The following PRKD1 variants were observed in gnomAD, a reference collection of about 807,000 sequenced individuals.
PRKD1 encodes the protein protein kinase D1, also known as serine/threonine-protein kinase D1.
A neutral mutation model predicts 95.9 loss-of-function variants in PRKD1; 63 were observed. The ratio of observed to expected loss-of-function variants is 0.66; its 90% confidence interval spans 0.54 to 0.81. PRKD1 has a LOEUF of 0.81. Ranked by LOEUF, PRKD1 falls within the 30% of genes least tolerant of loss-of-function variation. The pLI, the probability that PRKD1 is intolerant of heterozygous loss-of-function variation, is 0.00. For missense variants in PRKD1, 1,048 were observed against 1,165.3 expected (o/e 0.90, Z 1.47); for synonymous variants, 425 against 423.1 (o/e 1.00, Z -0.05).
chr14:29,583,038 G>T (rs1239321281), intron 16 of PRKD1, among the ~76,000 whole-genome samples: 1 of 152,126 alleles, frequency 6.6e-6, no homozygotes, highest in East Asian at 1.9e-4. Flanking sequence ...TGCCCCAGTG[G>T]GGAAGTGTAG....
At chr14:29,585,994 T>A (rs139850113) in intron 16 of PRKD1, among the ~76,000 whole-genome samples, 2,532 of 152,274 alleles carry the variant, frequency 0.017, 35 homozygotes, top group Middle Eastern at 0.031. Flanking sequence ...AGTTAAGAGA[T>A]CTTAAACTGA....
intron 1 of PRKD1, among the ~76,000 whole-genome samples, chr14:29,742,962 G>C (rs1014427483): frequency 6.6e-6 from 1 of 152,136 alleles, no homozygotes; most frequent in Admixed American, 6.6e-5. Context: ...TAAAATTCTT[G>C]AGTTTCATGG....
chr14:29,599,842 G>T, intron 13 of PRKD1, 25 bp from the exon 14 acceptor site: 1 of 1,589,324 alleles, frequency 6.3e-7, no homozygotes. Flanking sequence ...TAAAGCACTT[G>T]AAGAAAATGA....
At chr14:29,579,227 G>A (rs192278165) in intron 16 of PRKD1, among the ~76,000 whole-genome samples, 2 of 151,868 alleles carry the variant, frequency 1.3e-5, no homozygotes, top group African/African-American at 4.8e-5. Flanking sequence ...TTCAGTATAC[G>A]TCATTAATAG....
intron 1 of PRKD1, among the ~76,000 whole-genome samples, chr14:29,822,135 C>A (rs1002711244): frequency 2.6e-5 from 4 of 152,068 alleles, no homozygotes; most frequent in African/African-American, 9.7e-5. Context: ...TTTGGCCTCC[C>A]AGGTCACTAT....
intron 2 of PRKD1, among the ~76,000 whole-genome samples, chr14:29,722,581 A>G (rs974867749): frequency 5.3e-5 from 8 of 152,234 alleles, no homozygotes; most frequent in Non-Finnish European, 1.0e-4. Flanking sequence ...CCAGTAGTTA[A>G]TAAGTGAACT....
chr14:29,889,553 G>A (rs1167965138), intron 1 of PRKD1, among the ~76,000 whole-genome samples: 1 of 152,166 alleles, frequency 6.6e-6, no homozygotes, highest in African/African-American at 2.4e-5. Context: ...GGAATACTAA[G>A]CAGCCACAAA....
chr14:29,726,928 T>C (rs1448576544), intron 1 of PRKD1, among the ~76,000 whole-genome samples: 2 of 152,170 alleles, frequency 1.3e-5, no homozygotes, highest in African/African-American at 4.8e-5. Flanking sequence ...ATGGGATGGC[T>C]GGGTCAAATG....
At chr14:29,799,921 A>G (rs1889958791) in intron 1 of PRKD1, among the ~76,000 whole-genome samples, 1 of 151,962 alleles carries the variant, frequency 6.6e-6, no homozygotes, top group Admixed American at 6.5e-5. Context: ...CATTTTTTGC[A>G]TTTTGTGCTT....
intron 1 of PRKD1, among the ~76,000 whole-genome samples, chr14:29,861,045 A>G (rs1033164512): frequency 6.6e-6 from 1 of 152,230 alleles, no homozygotes; most frequent in African/African-American, 2.4e-5. Flanking sequence ...TTACTTTTTA[A>G]TATTTGTATT....
intron 1 of PRKD1, among the ~76,000 whole-genome samples, chr14:29,828,886 A>G (rs994845369): frequency 1.3e-5 from 2 of 152,194 alleles, no homozygotes; most frequent in African/African-American, 4.8e-5. Flanking sequence ...GCTTCAGCCG[A>G]TAGAATGCAG....
intron 1 of PRKD1, among the ~76,000 whole-genome samples, chr14:29,765,231 C>A (rs1888205122): frequency 6.6e-6 from 1 of 152,150 alleles, no homozygotes; most frequent in Non-Finnish European, 1.5e-5. Flanking sequence ...AAATCCTATA[C>A]AGGATTTACA....
chr14:29,632,835 G>A lies in PRKD1; in HGVS notation c.1392+34C>T, dbSNP rs760744027. ...ACATTCCCATGAAAAAGCAATAAGA[G>A]GTATGAAACTACAAAGAAAGAGCCC... On this transcript the variant is annotated intron_variant, in intron 9 of 17. Transcript: ENST00000331968. 3.9e-6 allele frequency: 6 copies of A among 1,537,104 alleles called. No homozygotes were observed. The Admixed American group carries it at 1.0e-4, about 26-fold the overall frequency.
chr14:29,637,400 T>A (rs1157721202), intron 6 of PRKD1, among the ~76,000 whole-genome samples: 1 of 152,232 alleles, frequency 6.6e-6, no homozygotes, highest in Non-Finnish European at 1.5e-5. Flanking sequence ...AAAGTACTCA[T>A]TTTAAAATGA....
chr14:29,679,584 A>C (rs76686912), intron 2 of PRKD1, among the ~76,000 whole-genome samples: 2 of 152,354 alleles, frequency 1.3e-5, no homozygotes, highest in Non-Finnish European at 2.9e-5. Flanking sequence ...ATCTAATAAC[A>C]AACAAGACAG....
chr14:29,906,677 T>C lies in PRKD1; in HGVS notation c.264+20572A>G, dbSNP rs149364093. Among the ~76,000 whole-genome samples the C allele has an allele frequency of 1.4e-3, 218 of 152,352 alleles. 2 individuals carry two copies. In the East Asian group the frequency reaches 0.023, roughly 16 times the overall value. ...TTTTTAAACTGCAATCTGACTCACATCAAAGCAGCCAAACAAGTGACTAAA... is the reference window on the plus strand; with the variant it reads ...TTTTTAAACTGCAATCTGACTCACACCAAAGCAGCCAAACAAGTGACTAAA... On this transcript the variant is annotated intron_variant, in intron 1 of 17. Transcript: ENST00000331968.
intron 1 of PRKD1, among the ~76,000 whole-genome samples, chr14:29,770,532 GAA>G (rs1888453691): frequency 6.6e-6 from 1 of 152,216 alleles, no homozygotes; most frequent in African/African-American, 2.4e-5. Context: ...TGACAGAAGT[GAA>G]GAGTGTGGTA....
chr14:29,663,430 C>G (rs1326004380), intron 4 of PRKD1, among the ~76,000 whole-genome samples: 1 of 152,072 alleles, frequency 6.6e-6, no homozygotes, highest in Non-Finnish European at 1.5e-5. Context: ...AACATTAACA[C>G]ATTAGTTCGT....
At chr14:29,706,646 A>G (rs776085511) in intron 2 of PRKD1, among the ~76,000 whole-genome samples, 13 of 152,196 alleles carry the variant, frequency 8.5e-5, no homozygotes, top group Non-Finnish European at 1.5e-4. Flanking sequence ...AGAAGAAAAA[A>G]TGTTAAAACA....
Sources: gnomAD v4.1 joint callset for allele counts (sites outside exome capture counted in the v4.1 genomes callset) on GRCh38, gnomAD v4.1.1 for gene constraint, MANE v1.5 for transcripts, NCBI Gene and HGNC (gene_info 2026-07-23, HGNC 2026-07-21) for gene names.